GRIK4: variants seen among roughly 807,000 people sequenced by gnomAD.
GRIK4 encodes the protein glutamate ionotropic receptor kainate type subunit 4, also known as glutamate receptor ionotropic, kainate 4.
In GRIK4, 40 loss-of-function variants were observed where a neutral mutation model predicts 104.9. The observed-to-expected ratio is 0.38, with a 90% confidence interval of 0.30 to 0.50. The LOEUF is 0.50. Ranked by LOEUF, GRIK4 falls within the 20% of genes least tolerant of loss-of-function variation. The probability of loss-of-function intolerance (pLI) is 0.93; values close to 1 mark genes in which losing one functional copy is unlikely to be tolerated. For synonymous variants in GRIK4, 485 were observed against 524.9 expected (o/e 0.92, Z 1.04); for missense variants, 1,047 against 1,308.1 (o/e 0.80, Z 3.08).
chr11:120,950,016 G>A (rs1408974114), intron 14 of GRIK4, among the ~76,000 whole-genome samples: 2 of 152,160 alleles, frequency 1.3e-5, no homozygotes, highest in South Asian at 2.1e-4. Context: ...TGCCCCAAGC[G>A]CCAGTAACTC....
At chr11:120,844,479 A>G (rs1591982804) in intron 8 of GRIK4, among the ~76,000 whole-genome samples, 1 of 152,196 alleles carries the variant, frequency 6.6e-6, no homozygotes, top group East Asian at 1.9e-4. Flanking sequence ...CCTACATAGT[A>G]GGCACTCAAT....
Position 120,524,601 on chromosome 11 carries a change from G to A in GRIK4, c.-159+12714G>A, listed in dbSNP as rs989468494. Among the ~76,000 whole-genome samples the A allele has an allele frequency of 1.4e-4, 22 of 152,256 alleles. No individual in the cohort carries two copies. Among genetic ancestry groups the A allele is most frequent in the African/African-American group, 4.3e-4 (18 of 41,548 alleles). ...GAGCCTGGCATCAATGGGTCAAGGG[G>A]GACTGTACTGGGGTGACTGGTAAGA... On this transcript the variant is annotated intron_variant, in intron 1 of 20. Coordinates refer to ENST00000527524, the MANE Select transcript of GRIK4 (RefSeq NM_014619.5). This position sits in a 1 kb window ranked among gnomAD's most constrained non-coding sequence, Gnocchi z 4.5.
rs936962192 is a variant in GRIK4, at chr11:120,660,384, G to T, written c.66G>T (p.Pro22=). 4 of 1,612,138 alleles carry T rather than the reference G, an allele frequency of 2.5e-6. No individual in the cohort carries two copies. Among genetic ancestry groups the T allele is most frequent in the East Asian group, 2.2e-5 (1 of 44,892 alleles). ...PAWLVMVACS[P]HSLRIAAILD... ...GGCTCGTGATGGTCGCCTGCAGCCC[G>T]CACTCCTTGAGGATCGGTAAGTGTG... is the stretch of plus-strand genomic sequence containing the variant. Residue 22 remains proline, a synonymous_variant, in exon 3 of 21, where the codon CCG becomes CCT. Coordinates refer to ENST00000527524, the MANE Select transcript of GRIK4 (RefSeq NM_014619.5).
chr11:120,759,938 G>A (rs1951718216), intron 3 of GRIK4, among the ~76,000 whole-genome samples: 1 of 152,012 alleles, frequency 6.6e-6, no homozygotes, highest in South Asian at 2.1e-4. Flanking sequence ...AGATTAACAT[G>A]TCTATTATCA....
intron 3 of GRIK4, among the ~76,000 whole-genome samples, chr11:120,773,063 T>C (rs1951977657): frequency 6.6e-6 from 1 of 152,236 alleles, no homozygotes; most frequent in African/African-American, 2.4e-5. Context: ...CTGTTTTTGT[T>C]TGAAATTTTT....
intron 1 of GRIK4, among the ~76,000 whole-genome samples, chr11:120,605,737 G>T (rs1288281839): frequency 3.9e-5 from 6 of 152,240 alleles, no homozygotes; most frequent in Non-Finnish European, 5.9e-5. Context: ...CTTCAGCCAC[G>T]CTGGGCACAG....
chr11:120,809,030 C>T (rs1280583762), intron 4 of GRIK4, among the ~76,000 whole-genome samples: 1 of 152,156 alleles, frequency 6.6e-6, no homozygotes, highest in Non-Finnish European at 1.5e-5. Flanking sequence ...GGGCTACAGT[C>T]AGTGGCACTT....
At chr11:120,721,756 C>T (rs1565314402) in intron 3 of GRIK4, among the ~76,000 whole-genome samples, 1 of 152,122 alleles carries the variant, frequency 6.6e-6, no homozygotes. Context: ...GGTTTGTTCT[C>T]AGAAAATGCC....
intron 1 of GRIK4, among the ~76,000 whole-genome samples, chr11:120,512,574 C>T: frequency 6.6e-6 from 1 of 151,820 alleles, no homozygotes; most frequent in Non-Finnish European, 1.5e-5. Context: ...CCCATCCCAC[C>T]CTAGTTCATC....
intron 11 of GRIK4, among the ~76,000 whole-genome samples, chr11:120,881,747 C>G (rs557588662): frequency 6.6e-4 from 101 of 152,340 alleles, no homozygotes; most frequent in Non-Finnish European, 7.3e-5. Flanking sequence ...TTGCCTGACA[C>G]AAGCCCACAC....
intron 3 of GRIK4, among the ~76,000 whole-genome samples, chr11:120,721,312 T>C (rs1334126103): frequency 4.6e-5 from 7 of 152,172 alleles, no homozygotes; most frequent in Non-Finnish European, 1.0e-4. Flanking sequence ...ACATGATTGA[T>C]GACCTTTGAG....
intron 1 of GRIK4, among the ~76,000 whole-genome samples, chr11:120,604,910 C>A (rs1385275262): frequency 6.6e-6 from 1 of 152,150 alleles, no homozygotes; most frequent in Non-Finnish European, 1.5e-5. Context: ...TTGCCCAGGC[C>A]AGAGTGCAGT....
chr11:120,797,055 G>T (rs1214593792), intron 3 of GRIK4, among the ~76,000 whole-genome samples: 2 of 152,174 alleles, frequency 1.3e-5, no homozygotes, highest in Non-Finnish European at 2.9e-5. Context: ...TGGGGAGAAA[G>T]GCTCAATGGA....
intron 4 of GRIK4, among the ~76,000 whole-genome samples, 171 bp from the exon 5 acceptor site, chr11:120,815,207 G>T (rs115604918): frequency 6.6e-6 from 1 of 152,272 alleles, no homozygotes; most frequent in East Asian, 1.9e-4. Context: ...GAGCCCAGTC[G>T]TCCAGGGGAG....
intron 8 of GRIK4, among the ~76,000 whole-genome samples, chr11:120,857,489 T>C (rs1440776874): frequency 8.9e-6 from 1 of 111,794 alleles, no homozygotes; most frequent in Non-Finnish European, 1.8e-5. Flanking sequence ...TTTGCACACA[T>C]GTATGCACAC....
At chr11:120,714,721 G>A (rs1950797369) in intron 3 of GRIK4, among the ~76,000 whole-genome samples, 1 of 152,170 alleles carries the variant, frequency 6.6e-6, no homozygotes, top group Admixed American at 6.5e-5. Flanking sequence ...TAGATGAAGG[G>A]GACATGGAAC....
chr11:120,625,215 A>G (rs1388854537), intron 1 of GRIK4, among the ~76,000 whole-genome samples: 3 of 152,166 alleles, frequency 2.0e-5, no homozygotes, highest in Non-Finnish European at 4.4e-5. Flanking sequence ...TGGAGGTTGC[A>G]GTGAGCCAAG....
At chr11:120,785,194 T>C (rs573468830) in intron 3 of GRIK4, among the ~76,000 whole-genome samples, 53 of 152,290 alleles carry the variant, frequency 3.5e-4, no homozygotes, top group African/African-American at 1.3e-3. Flanking sequence ...TGGCTGTTTG[T>C]GCAGTGAGCC....
chr11:120,937,546 C>T lies in GRIK4; in HGVS notation c.1477-2801C>T, dbSNP rs1943624673. The stretch of plus-strand genomic sequence containing the variant: ...TGTCACTGCCCTTTCCTGTCTCCTT[C>T]CCTGCCTCCCTTTCCCCCAGCGTCC... On this transcript the variant is annotated intron_variant, in intron 13 of 20. Coordinates refer to ENST00000527524, the MANE Select transcript of GRIK4 (RefSeq NM_014619.5). 2.0e-5 allele frequency among the ~76,000 whole-genome samples: 3 copies of T among 152,230 alleles called. No individual in the cohort carries two copies. The South Asian group carries it at 6.2e-4, about 31-fold the overall frequency.
Sources: gnomAD v4.1 joint callset for allele counts (sites outside exome capture counted in the v4.1 genomes callset) on GRCh38, gnomAD v4.1.1 for gene constraint, Gnocchi (gnomAD v3.1) non-coding constraint, MANE v1.5 for transcripts, NCBI Gene and HGNC (gene_info 2026-07-23, HGNC 2026-07-21) for gene names.